The following SIPA1L3 variants were observed in gnomAD, a reference collection of about 807,000 sequenced individuals.
The protein encoded by SIPA1L3 is signal-induced proliferation-associated 1-like protein 3.
SIPA1L3 carries 59 observed loss-of-function variants against 150.1 expected under a neutral mutation model. That is an observed-to-expected ratio of 0.39 (90% CI 0.32 to 0.49). SIPA1L3 has a LOEUF of 0.49. SIPA1L3 is among the 20% of genes least tolerant of loss of function. The pLI, the probability that SIPA1L3 is intolerant of heterozygous loss-of-function variation, is 0.86. For missense variants in SIPA1L3, 2,211 were observed against 2,489.5 expected (o/e 0.89, Z 2.38); for synonymous variants, 1,070 against 1,077.6 (o/e 0.99, Z 0.14).
At chr19:37,950,253 C>T (rs532035283) in intron 1 of SIPA1L3, among the ~76,000 whole-genome samples, 1 of 152,208 alleles carries the variant, frequency 6.6e-6, no homozygotes, top group African/African-American at 2.4e-5. Context: ...GAGCATTAGA[C>T]AAACTTAGGT....
intron 1 of SIPA1L3, among the ~76,000 whole-genome samples, chr19:37,945,911 T>G (rs1291816939): frequency 6.6e-6 from 1 of 152,112 alleles, no homozygotes; most frequent in African/African-American, 2.4e-5. Flanking sequence ...TACCAGCACT[T>G]TGGGAGGCCA....
chr19:38,000,925 T>TATATAAC (rs1555775666), intron 1 of SIPA1L3, among the ~76,000 whole-genome samples: 9 of 66,010 alleles, frequency 1.4e-4, no homozygotes, highest in East Asian at 2.4e-3. Context: ...ATATATAACA[T>TATATAAC]ATATATAACA....
chr19:38,101,461 T>C (rs995237769), intron 6 of SIPA1L3, among the ~76,000 whole-genome samples: 1 of 152,082 alleles, frequency 6.6e-6, no homozygotes, highest in African/African-American at 2.4e-5. Context: ...CAGGCTGGAG[T>C]GCAGTGGCAT....
At chr19:38,160,952 A>G (rs1475521889) in intron 13 of SIPA1L3, among the ~76,000 whole-genome samples, 2 of 152,270 alleles carry the variant, frequency 1.3e-5, no homozygotes. Flanking sequence ...GTGAAGACCT[A>G]TGGTGAAGAT....
At chr19:38,009,760 C>T (rs1968054249) in intron 1 of SIPA1L3, among the ~76,000 whole-genome samples, 1 of 152,112 alleles carries the variant, frequency 6.6e-6, no homozygotes, top group South Asian at 2.1e-4. Context: ...ATGGCGCTCC[C>T]TGGCCTCGTT....
At chr19:38,091,539 C>G (rs944541594) in intron 4 of SIPA1L3, among the ~76,000 whole-genome samples, 1 of 152,062 alleles carries the variant, frequency 6.6e-6, no homozygotes, top group Admixed American at 6.5e-5. Context: ...GGGTGAAGAC[C>G]CTGTTGTCCT....
chr19:37,982,512 T>C (rs1357640469), intron 1 of SIPA1L3, among the ~76,000 whole-genome samples: 1 of 152,202 alleles, frequency 6.6e-6, no homozygotes, highest in Non-Finnish European at 1.5e-5. Flanking sequence ...GCAGTAGCCC[T>C]ATGAGGTGGG....
intron 1 of SIPA1L3, among the ~76,000 whole-genome samples, chr19:37,970,442 T>C (rs1966903524): frequency 1.3e-5 from 2 of 152,234 alleles, no homozygotes; most frequent in Non-Finnish European, 2.9e-5. Context: ...GTTATTGGAC[T>C]ACCTCTAAGG....
chr19:37,970,207 A>G (rs1056010289), intron 1 of SIPA1L3, among the ~76,000 whole-genome samples: 2 of 152,238 alleles, frequency 1.3e-5, no homozygotes, highest in African/African-American at 4.8e-5. Flanking sequence ...TGTTACTCGT[A>G]AGTTAAATGA....
chr19:38,081,224 G>C (rs998581405), intron 2 of SIPA1L3, 32 bp from the exon 3 acceptor site: 3 of 406,886 alleles, frequency 7.4e-6, no homozygotes, highest in Non-Finnish European at 1.3e-5. Context: ...CACGGCCATC[G>C]CAGCTCATAT....
At chr19:38,099,057 A>C (rs534808186) in intron 4 of SIPA1L3, among the ~76,000 whole-genome samples, 2 of 150,360 alleles carry the variant, frequency 1.3e-5, no homozygotes, top group African/African-American at 4.9e-5. Flanking sequence ...CTTTTCTCAG[A>C]CTGAGTGTTG....
At chr19:37,918,772 G>T (rs2046433521) in intron 1 of SIPA1L3, among the ~76,000 whole-genome samples, 1 of 151,942 alleles carries the variant, frequency 6.6e-6, no homozygotes, top group Non-Finnish European at 1.5e-5. Context: ...TTGGGAGGCT[G>T]AGGCAGGAGA....
At chr19:37,959,769 A>G (rs892080987) in intron 1 of SIPA1L3, among the ~76,000 whole-genome samples, 17 of 141,542 alleles carry the variant, frequency 1.2e-4, no homozygotes, top group Admixed American at 2.8e-4. Context: ...TGATAAGCAG[A>G]TATTTTCTAG....
chr19:38,025,693 T>A (rs1818061278), intron 1 of SIPA1L3, among the ~76,000 whole-genome samples: 2 of 152,194 alleles, frequency 1.3e-5, no homozygotes, highest in Admixed American at 1.3e-4. Context: ...CTATTAAAAT[T>A]TTATAAGAGC....
In SIPA1L3 at chr19:38,122,874, G is replaced by A. The variant is rs74940999; in HGVS notation, c.2868+2992G>A. On this transcript the variant is annotated intron_variant, in intron 9 of 21. Transcript: ENST00000222345. ...GGTCACATGTCGCCTTGTCGGTGAG[G>A]CCTCGTTATCTAAGATTGCACACCC... Among the ~76,000 whole-genome samples the A allele has an allele frequency of 4.0e-4, 61 of 152,270 alleles. No individual in the cohort carries two copies. In the East Asian group the frequency reaches 0.011, roughly 27 times the overall value.
Position 38,189,453 on chromosome 19 carries a change from G to A in SIPA1L3, c.4431-2692G>A, listed in dbSNP as rs372280972. 6.6e-4 allele frequency among the ~76,000 whole-genome samples: 100 copies of A among 151,862 alleles called. 1 individual carries two copies. In the South Asian group the frequency reaches 8.8e-3, roughly 13 times the overall value. ...ACCTAAGTTTCTTGGCAATAGTTCC[G>A]TATCAGTGTGTAGAAAGTGATGTCA... On this transcript the variant is annotated intron_variant, in intron 16 of 21. Transcript: ENST00000222345.
At position 38,141,272 on chromosome 19, in the gene SIPA1L3, A is replaced by G. The variant is rs1168010444; in HGVS notation, c.3232A>G (p.Ser1078Gly). ...ITPGGRPPYRSNAPWQWSGPA... is the reference protein window; with the variant it reads ...ITPGGRPPYRGNAPWQWSGPA... ...TCCTGGGGGCCGGCCCCCCTACCGC[A>G]GCAATGCTCCCTGGCAGTGGAGCGG... Residue 1078 changes from serine to glycine, a missense_variant, in exon 11 of 22, where the codon AGC becomes GGC. Physicochemically the swap from Ser to Gly is moderately conservative, Grantham distance 56. Transcript: ENST00000222345. 6.2e-7 allele frequency: 1 copy of G among 1,613,684 alleles called. No homozygotes were observed. Among genetic ancestry groups the G allele is most frequent in the Admixed American group, 1.7e-5 (1 of 59,974 alleles).
intron 10 of SIPA1L3, among the ~76,000 whole-genome samples, chr19:38,136,204 A>AAG (rs1256201895): frequency 3.3e-5 from 5 of 150,592 alleles, no homozygotes; most frequent in African/African-American, 1.2e-4. Flanking sequence ...AAAAAAAAAA[A>AAG]AAGAAGAATG....
intron 9 of SIPA1L3, among the ~76,000 whole-genome samples, chr19:38,124,577 G>A (rs1382994398): frequency 1.3e-5 from 2 of 152,042 alleles, no homozygotes; most frequent in East Asian, 1.9e-4. Context: ...AGGCAGAGAC[G>A]CTCCTCACTT....
Sources: allele counts gnomAD v4.1 joint callset (sites outside exome capture counted in the v4.1 genomes callset), GRCh38; gene constraint gnomAD v4.1.1; transcripts MANE v1.5; gene names NCBI Gene and HGNC (gene_info 2026-07-23, HGNC 2026-07-21).